The following FANCA variants were observed in gnomAD, a reference collection of about 807,000 sequenced individuals.
FANCA encodes FA complementation group A, also known as Fanconi anemia group A protein.
In FANCA, 236 loss-of-function variants were observed where a neutral mutation model predicts 194.3. The observed-to-expected ratio is 1.21, with a 90% CI of 1.09 to 1.35. The LOEUF (loss-of-function observed/expected upper bound fraction) is 1.35. FANCA is among the 40% of genes most tolerant of loss of function. The pLI is 0.00. For missense variants in FANCA, 2,628 were observed against 1,813.9 expected, an observed-to-expected ratio of 1.45 and a Z score of -8.15; for synonymous variants, 1,014 against 715.8, an observed-to-expected ratio of 1.42 and a Z score of -6.65.
intron 30 of FANCA, among the ~76,000 whole-genome samples, chr16:89,756,132 T>C (rs1324767071): frequency 6.6e-6 from 1 of 152,222 alleles, no homozygotes; most frequent in Non-Finnish European, 1.5e-5. Context: ...CTGTCATATA[T>C]GTGGCTCGTT....
intron 39 of FANCA, 133 bp downstream of exon 39, chr16:89,739,861 C>CTAA (rs765680860): frequency 1.3e-6 from 2 of 1,534,280 alleles, no homozygotes; most frequent in African/African-American, 2.7e-5. Context: ...TGTGCTTAAT[C>CTAA]TGTCCCAACT....
intron 3 of FANCA, among the ~76,000 whole-genome samples, chr16:89,813,600 T>C (rs1023382423): frequency 1.3e-5 from 2 of 151,978 alleles, no homozygotes; most frequent in East Asian, 1.9e-4. Flanking sequence ...ACCCGGCTAA[T>C]TTTTGTGTTT....
chr16:89,750,892 T>C (rs898942302), intron 31 of FANCA, among the ~76,000 whole-genome samples: 1 of 134,430 alleles, frequency 7.4e-6, no homozygotes, highest in Admixed American at 7.1e-5. Flanking sequence ...CACAAGTCTT[T>C]TGTTGTTGTT....
intron 7 of FANCA, 71 bp from the exon 8 acceptor site, chr16:89,803,412 A>G (rs922655822): frequency 4.1e-5 from 57 of 1,400,312 alleles, no homozygotes; most frequent in Non-Finnish European, 5.6e-5. Flanking sequence ...GGCACAGACC[A>G]TCCACTTCAG....
chr16:89,739,677 A>C, intron 39 of FANCA, 124 bp from the exon 40 acceptor site: 1 of 1,516,690 alleles, frequency 6.6e-7, no homozygotes, highest in Non-Finnish European at 8.9e-7. Context: ...GTGTGGGGCG[A>C]ACAGCCTGAG....
At position 89,792,516 on chromosome 16, in the gene FANCA, C is replaced by G. The variant is rs750257902; in HGVS notation, c.1038G>C (p.Trp346Cys). 40 of 1,613,340 alleles carry G rather than the reference C, an allele frequency of 2.5e-5. No homozygotes were observed. The Admixed American group carries it at 5.3e-4, about 22-fold the overall frequency. The change falls in exon 12 of 43, where the codon TGG (tryptophan) becomes TGC (cysteine). Residue 346 changes from tryptophan to cysteine, a missense_variant. Coordinates refer to ENST00000389301, the MANE Select transcript of FANCA (RefSeq NM_000135.4). The part of the protein sequence containing the change: ...ASDAVQMQRE[W>C]SFARTHPLLT... The stretch of plus-strand genomic sequence containing the variant: ...GCAGAGGGTGTGTCCGCGCAAAGCT[C>G]CACTCTCTCTGCATCTGAACAGCAT...
At chr16:89,795,548 G>A (rs1168831299) in intron 11 of FANCA, among the ~76,000 whole-genome samples, 1 of 152,082 alleles carries the variant, frequency 6.6e-6, no homozygotes, top group African/African-American at 2.4e-5. Context: ...TGAGACACGA[G>A]AATTGCTTGA....
chr16:89,745,086 C>T lies in FANCA; in HGVS notation c.3514-15G>A. ...GGCCACCACACCTATGGAGAGAGCA[C>T]CAGCACACAGATGAGGGTGGCTGAG... On this transcript the variant is annotated splice_polypyrimidine_tract_variant and intron_variant, in intron 35 of 42. Transcript: ENST00000389301. 6.3e-7 allele frequency: 1 copy of T among 1,585,634 alleles called. No homozygotes were observed. Among genetic ancestry groups the T allele is most frequent in the Non-Finnish European group, 8.5e-7 (1 of 1,169,984 alleles).
intron 27 of FANCA, 112 bp from the exon 28 acceptor site, chr16:89,765,178 C>A: frequency 7.9e-7 from 1 of 1,263,358 alleles, no homozygotes; most frequent in Admixed American, 2.0e-5. Flanking sequence ...CACAACCCCA[C>A]ATTCAGAGGA....
intron 9 of FANCA, 58 bp from the exon 10 acceptor site, chr16:89,799,290 A>G (rs1323803566): frequency 6.2e-7 from 1 of 1,603,576 alleles, no homozygotes; most frequent in East Asian, 2.2e-5. Context: ...AGCCCACCAG[A>G]AACAATCCCC....
chr16:89,771,267 G>A (rs182878352), intron 23 of FANCA, among the ~76,000 whole-genome samples: 8 of 151,680 alleles, frequency 5.3e-5, no homozygotes, highest in South Asian at 2.1e-4. Flanking sequence ...TAGACCAGTC[G>A]AGGCAACACA....
intron 10 of FANCA, 89 bp downstream of exon 10, chr16:89,799,077 G>A (rs759807666): frequency 3.1e-6 from 5 of 1,614,134 alleles, no homozygotes; most frequent in Non-Finnish European, 4.2e-6. Flanking sequence ...GGCTGCTGAA[G>A]CTCTGGAAGT....
intron 36 of FANCA, among the ~76,000 whole-genome samples, chr16:89,744,481 G>C (rs2062200315): frequency 6.6e-6 from 1 of 152,074 alleles, no homozygotes; most frequent in Admixed American, 6.6e-5. Flanking sequence ...GGTCAGGGTA[G>C]GCTGAGAATC....
At chr16:89,785,722 G>A (rs2039871949) in intron 14 of FANCA, among the ~76,000 whole-genome samples, 1 of 152,156 alleles carries the variant, frequency 6.6e-6, no homozygotes, top group African/African-American at 2.4e-5. Flanking sequence ...ACGAGCTCCT[G>A]CCACCCTAGC....
chr16:89,811,168 G>C, intron 3 of FANCA, 97 bp from the exon 4 acceptor site: 2 of 1,520,138 alleles, frequency 1.3e-6, no homozygotes, highest in Non-Finnish European at 9.0e-7. Flanking sequence ...TTAAGATGCA[G>C]CACAAAAAAA....
At chr16:89,791,061 GT>G (rs1281785815) in intron 14 of FANCA, 1 of 170,366 alleles carries the variant, frequency 5.9e-6, no homozygotes, top group Non-Finnish European at 1.1e-5. Context: ...TGGAGATGAG[GT>G]TTCACTATGG....
chr16:89,781,899 C>T (rs1287576718), intron 17 of FANCA, among the ~76,000 whole-genome samples: 3 of 91,226 alleles, frequency 3.3e-5, no homozygotes, highest in Admixed American at 1.2e-4. Context: ...ATAGGCTACT[C>T]GGGAGGCTGA....
chr16:89,789,501 T>G (rs905932602), intron 14 of FANCA, among the ~76,000 whole-genome samples: 2 of 144,618 alleles, frequency 1.4e-5, no homozygotes, highest in African/African-American at 5.2e-5. Context: ...AGCGTAGTAA[T>G]GCAATCCCAG....
rs2039491923 is a variant in FANCA at position 89,776,092 on chromosome 16, A to C, written c.1827-277T>G. Reference sequence around the variant, plus strand: ...ATTATCCCTGGGCAGTGAAATTATAAATTATTTCTATTTCTCTCATACAAT... The same window carrying C: ...ATTATCCCTGGGCAGTGAAATTATACATTATTTCTATTTCTCTCATACAAT... On this transcript the variant is annotated intron_variant, in intron 20 of 42. Coordinates refer to ENST00000389301, the MANE Select transcript of FANCA (RefSeq NM_000135.4). 2.0e-5 allele frequency among the ~76,000 whole-genome samples: 3 copies of C among 151,290 alleles called. No individual in the cohort carries two copies. The South Asian group carries it at 6.2e-4, about 31-fold the overall frequency.
Sources: allele counts gnomAD v4.1 joint callset (sites outside exome capture counted in the v4.1 genomes callset), GRCh38; gene constraint gnomAD v4.1.1; transcripts MANE v1.5; gene names NCBI Gene and HGNC (gene_info 2026-07-23, HGNC 2026-07-21).